PRR11: variants seen among roughly 807,000 people sequenced by gnomAD.
PRR11 encodes the protein proline rich 11.
In PRR11, 30 loss-of-function variants were observed where a neutral mutation model predicts 45.6. The ratio of observed to expected loss-of-function variants is 0.66; its 90% confidence interval spans 0.49 to 0.89. PRR11 has a LOEUF of 0.89. Ranked by LOEUF, PRR11 falls within the 40% of genes least tolerant of loss-of-function variation. PRR11 has a pLI of 0.00. For synonymous variants in PRR11, 128 were observed against 153.5 expected, an observed-to-expected ratio of 0.83 and a Z score of 1.23; for missense variants, 373 against 424.8, an observed-to-expected ratio of 0.88 and a Z score of 1.07.
At chr17:59,167,945 T>C (rs1388236396) in intron 1 of PRR11, among the ~76,000 whole-genome samples, 1 of 152,128 alleles carries the variant, frequency 6.6e-6, no homozygotes, top group Non-Finnish European at 1.5e-5. Context: ...TAAGAATGTC[T>C]AACGTCCTGG....
intron 3 of PRR11, 35 bp from the exon 4 acceptor site, chr17:59,185,405 T>G: frequency 6.3e-7 from 1 of 1,583,034 alleles, no homozygotes; most frequent in Non-Finnish European, 8.6e-7. Flanking sequence ...ATCATATTAC[T>G]CATAGGACTC....
intron 2 of PRR11, among the ~76,000 whole-genome samples, chr17:59,172,429 G>C (rs1055439949): frequency 1.3e-5 from 2 of 152,256 alleles, no homozygotes; most frequent in Non-Finnish European, 2.9e-5. Context: ...GGCCAGCCTT[G>C]AGGAGCCCTT....
chr17:59,194,735 T>C, intron 5 of PRR11, 22 bp from the exon 6 acceptor site: 1 of 1,578,246 alleles, frequency 6.3e-7, no homozygotes, highest in Non-Finnish European at 8.7e-7. Flanking sequence ...ATTTGAATTC[T>C]AACCTTACCA....
intron 2 of PRR11, among the ~76,000 whole-genome samples, chr17:59,175,556 G>A: frequency 6.6e-6 from 1 of 152,200 alleles, no homozygotes; most frequent in East Asian, 1.9e-4. Flanking sequence ...GAGGCCAGGA[G>A]TTCGAGACCA....
chr17:59,190,880 G>A (rs2046837513), intron 4 of PRR11, among the ~76,000 whole-genome samples: 1 of 152,242 alleles, frequency 6.6e-6, no homozygotes, highest in Non-Finnish European at 1.5e-5. Flanking sequence ...CGTGGACTGA[G>A]GGAATGAAGG....
At position 59,168,799 on chromosome 17, in the gene PRR11, G is replaced by A. The variant is rs140605976; in HGVS notation, c.-5-949G>A. ...ATTTAATCTAGTGTCACACCACAGC[G>A]TATTAGAAAGAACATGGAAGACTTA... On this transcript the variant is annotated intron_variant, in intron 1 of 9. Coordinates refer to ENST00000262293, the MANE Select transcript of PRR11 (RefSeq NM_018304.4). Among the ~76,000 whole-genome samples, 549 of 152,244 alleles carry A rather than the reference G, an allele frequency of 3.6e-3. 3 individuals carry two copies. Among genetic ancestry groups the A allele is most frequent in the Non-Finnish European group, 3.5e-3 (239 of 68,016 alleles).
chr17:59,193,653 T>TCCACCTCCACCTCTG lies in PRR11; in HGVS notation c.573_587dup (p.Leu193_Pro197dup), dbSNP rs747111421. On this transcript the variant is annotated inframe_insertion, in exon 5 of 10. Transcript: ENST00000262293. ...CAGCCAGCCATTTTCCTCCTCCTCC[T>TCCACCTCCACCTCTG]CCACCTCCACCTCTGCCACCTCCTC... The TCCACCTCCACCTCTG allele has an allele frequency of 5.0e-6, 8 of 1,613,604 alleles. No homozygotes were observed.
intron 7 of PRR11, 81 bp from the exon 8 acceptor site, chr17:59,197,463 G>T: frequency 7.8e-7 from 1 of 1,279,424 alleles, no homozygotes; most frequent in Non-Finnish European, 1.1e-6. Context: ...GTGTTAGCAA[G>T]GATGGTCTTG....
Position 59,193,379 on chromosome 17 carries a change from C to T in PRR11, c.403-113C>T, listed in dbSNP as rs563701642. On this transcript the variant is annotated intron_variant, in intron 4 of 9. Coordinates refer to ENST00000262293, the MANE Select transcript of PRR11 (RefSeq NM_018304.4). ...ATAAATGAGAAAATATCAGGAAGCA[C>T]ATGGTACGCTGAGAAAGCATTCAAT... is the stretch of plus-strand genomic sequence containing the variant. 7 of 1,279,704 alleles carry T rather than the reference C, an allele frequency of 5.5e-6. No individual in the cohort carries two copies. The East Asian group carries it at 1.4e-4, about 26-fold the overall frequency. The allele number at this position is 1,279,704 out of a possible 1,614,324, so 79.3% of individuals were successfully genotyped here. A position where few individuals can be genotyped will look rare whatever the true frequency, so the allele number is the denominator to read the frequency against.
Position 59,205,585 on chromosome 17 carries a change from C to T in PRR11, c.*3954C>T, listed in dbSNP as rs2046914068. On this transcript the variant is annotated 3_prime_UTR_variant, in exon 10 of 10. Transcript: ENST00000262293. ...GGCATAGTGGCAGACACCTGTAATC[C>T]CAGCTACTGGGAAGGCTGAGCCAGA... Among the ~76,000 whole-genome samples the T allele has an allele frequency of 6.7e-6, 1 of 150,106 alleles. No individual in the cohort carries two copies. The highest frequency in any genetic ancestry group is 1.5e-5 in the Non-Finnish European group (1 of 67,686).
chr17:59,160,923 T>C (rs1326742028), intron 1 of PRR11: 1 of 151,050 alleles, frequency 6.6e-6, no homozygotes, highest in African/African-American at 2.4e-5. Flanking sequence ...TTTCATACAG[T>C]TGGGACTCTC....
At chr17:59,193,415 T>C in intron 4 of PRR11, 77 bp from the exon 5 acceptor site, 1 of 1,543,000 alleles carries the variant, frequency 6.5e-7, no homozygotes. Flanking sequence ...ACATGGTAGC[T>C]ATTATTTTGA....
chr17:59,157,559 G>A (rs986601873), intron 1 of PRR11, among the ~76,000 whole-genome samples: 2 of 152,022 alleles, frequency 1.3e-5, no homozygotes, highest in African/African-American at 4.8e-5. Flanking sequence ...AAAATTATCC[G>A]GGTGTGGTGG....
intron 2 of PRR11, among the ~76,000 whole-genome samples, chr17:59,172,876 C>T (rs2046718318): frequency 6.6e-6 from 1 of 152,270 alleles, no homozygotes; most frequent in Non-Finnish European, 1.5e-5. Context: ...GCACCCATCG[C>T]ATGCCCGCCC....
At chr17:59,184,849 A>AG (rs1268969323) in intron 2 of PRR11, among the ~76,000 whole-genome samples, 2 of 125,462 alleles carry the variant, frequency 1.6e-5, no homozygotes, top group Non-Finnish European at 3.3e-5. Context: ...TGCCTGATTA[A>AG]GTTTTTTTTT....
intron 1 of PRR11, among the ~76,000 whole-genome samples, 194 bp from the exon 2 acceptor site, chr17:59,169,554 T>C (rs1032690968): frequency 2.0e-5 from 3 of 152,136 alleles, no homozygotes; most frequent in African/African-American, 7.2e-5. Context: ...CCAGAGATAG[T>C]TTAAATCTGT....
At chr17:59,189,956 A>G (rs1174598619) in intron 4 of PRR11, among the ~76,000 whole-genome samples, 3 of 151,964 alleles carry the variant, frequency 2.0e-5, no homozygotes, top group Non-Finnish European at 4.4e-5. Flanking sequence ...CCTGGGCAAC[A>G]TAGTGAGACC....
At chr17:59,194,701 A>T (rs2046856391) in intron 5 of PRR11, 56 bp from the exon 6 acceptor site, 1 of 1,370,654 alleles carries the variant, frequency 7.3e-7, no homozygotes, top group South Asian at 1.2e-5. Flanking sequence ...TTGGATTTGC[A>T]TTTCACCAGT....
At chr17:59,196,488 T>C (rs188857711) in intron 7 of PRR11, among the ~76,000 whole-genome samples, 10 of 152,294 alleles carry the variant, frequency 6.6e-5, no homozygotes, top group Non-Finnish European at 1.5e-4. Context: ...GCAATTCTCC[T>C]GCTTCAGCCT....
Sources: allele counts gnomAD v4.1 joint callset (sites outside exome capture counted in the v4.1 genomes callset), GRCh38; gene constraint gnomAD v4.1.1; transcripts MANE v1.5; gene names NCBI Gene and HGNC (gene_info 2026-07-23, HGNC 2026-07-21).